The following SRCAP variants were observed in gnomAD, a reference collection of about 807,000 sequenced individuals.
The protein encoded by SRCAP is Snf2 related CREBBP activator protein.
Under a neutral mutation model 263.1 loss-of-function variants are expected in SRCAP, and 46 were observed. The ratio of observed to expected loss-of-function variants is 0.17; its 90% CI spans 0.14 to 0.22. The LOEUF is 0.22. Among genes scored for constraint, SRCAP ranks in the 10% least tolerant of loss-of-function variants. The pLI is 1.00. For synonymous variants in SRCAP, 1,813 were observed against 1,662.1 expected (o/e 1.09, Z -2.21); for missense variants, 3,695 against 4,181.9 (o/e 0.88, Z 3.21).
Position 30,722,106 on chromosome 16 carries a change from C to T in SRCAP, c.3542-16C>T. Reference sequence around the variant, plus strand: ...AGGATGAGCCTTGTGTACAATAAGGCCTTCTCTGTTTTTAGCAGGCGAAGT... The same window carrying T: ...AGGATGAGCCTTGTGTACAATAAGGTCTTCTCTGTTTTTAGCAGGCGAAGT... On this transcript the variant is annotated splice_polypyrimidine_tract_variant and intron_variant, in intron 21 of 33. Transcript: ENST00000262518. 6.2e-7 allele frequency: 1 copy of T among 1,609,646 alleles called. No individual in the cohort carries two copies. Among genetic ancestry groups the T allele is most frequent in the Non-Finnish European group, 8.5e-7 (1 of 1,177,568 alleles).
At chr16:30,703,854 G>T (rs1313066555) in intron 3 of SRCAP, among the ~76,000 whole-genome samples, 1 of 152,090 alleles carries the variant, frequency 6.6e-6, no homozygotes, top group African/African-American at 2.4e-5. Flanking sequence ...CCGAGATCGC[G>T]CCACTGCACT....
intron 3 of SRCAP, among the ~76,000 whole-genome samples, chr16:30,702,692 C>T (rs922695932): frequency 6.7e-6 from 1 of 149,934 alleles, no homozygotes; most frequent in African/African-American, 2.5e-5. Context: ...ACTACAACCT[C>T]TGCCTCCTGG....
chr16:30,738,901 T>C lies in SRCAP; in HGVS notation c.8861T>C (p.Ile2954Thr), dbSNP rs1185847335. The C allele has an allele frequency of 3.7e-6, 6 of 1,613,940 alleles. No individual in the cohort carries two copies. Among genetic ancestry groups the C allele is most frequent in the East Asian group, 2.2e-5 (1 of 44,878 alleles). ...KARDLPIPGT[I>T]SSAGDGNSES... ...CGAGATTTGCCCATCCCTGGGACCATTTCCTCTGCAGGGGATGGCAACTCC... is the reference window on the plus strand; with the variant it reads ...CGAGATTTGCCCATCCCTGGGACCACTTCCTCTGCAGGGGATGGCAACTCC... Residue 2954 changes from isoleucine (I) to threonine (T), a missense_variant, in exon 34 of 34, where the codon ATT becomes ACT. Physicochemically the swap from Ile to Thr is moderately conservative, Grantham distance 89. Transcript: ENST00000262518.
chr16:30,717,687 A>G (rs569058021), intron 18 of SRCAP, among the ~76,000 whole-genome samples: 8 of 121,984 alleles, frequency 6.6e-5, no homozygotes, highest in Non-Finnish European at 1.2e-4. Context: ...ATCTTGGCTT[A>G]CTGCAACCTC....
Position 30,740,715 on chromosome 16 carries a change from C to G in SRCAP, c.*982C>G, listed in dbSNP as rs2053215833. The G allele has an allele frequency of 6.6e-6, 1 of 152,256 alleles. No individual in the cohort carries two copies. 9.4% of individuals were successfully genotyped at this position (152,256 alleles called of 1,614,324 possible). A position where few individuals can be genotyped will look rare whatever the true frequency, so the allele number is the denominator to read the frequency against. On this transcript the variant is annotated 3_prime_UTR_variant, in exon 34 of 34. Transcript: ENST00000262518. ...TTCAAGGCCTATAGCCAGGTAAGAG[C>G]CCTGTTCATTTTTACATTCTCTGTT...
intron 4 of SRCAP, among the ~76,000 whole-genome samples, chr16:30,704,898 A>G (rs1196601111): frequency 6.6e-6 from 1 of 152,096 alleles, no homozygotes; most frequent in Non-Finnish European, 1.5e-5. Flanking sequence ...TGCTCTTAAG[A>G]TTTACTGGTT....
At chr16:30,736,728 A>G (rs2053163967) in intron 33 of SRCAP, 104 bp downstream of exon 33, 1 of 1,257,858 alleles carries the variant, frequency 8.0e-7, no homozygotes, top group South Asian at 1.3e-5. Context: ...GCTGGAGTGC[A>G]GTGGCACAAT....
chr16:30,730,010 C>T (rs1380979299), intron 27 of SRCAP, among the ~76,000 whole-genome samples: 1 of 152,144 alleles, frequency 6.6e-6, no homozygotes, highest in Non-Finnish European at 1.5e-5. Flanking sequence ...TCAAGCGATC[C>T]TCCCGCCTCA....
At position 30,709,667 on chromosome 16, in the gene SRCAP, C is replaced by G; in HGVS notation, c.788C>G (p.Ser263Cys). Residue 263 changes from serine to cysteine, a missense_variant, in exon 7 of 34, where the codon TCC (serine) becomes TGC (cysteine). This residue lies in a region of SRCAP where 44 missense variants were observed against 42.9 expected (regional missense o/e 1.03). Coordinates refer to ENST00000262518, the MANE Select transcript of SRCAP (RefSeq NM_006662.3). ...QPLTSSKAGS[S>C]PCLGSSSAAS... The stretch of plus-strand genomic sequence containing the variant: ...TTAACCTCCAGCAAAGCAGGCTCTT[C>G]CCCTTGCCTCGGCTCTTCCTCAGCT... 1 of 1,614,190 alleles carries G rather than the reference C, an allele frequency of 6.2e-7. No individual in the cohort carries two copies. Among genetic ancestry groups the G allele is most frequent in the African/African-American group, 1.3e-5 (1 of 75,054 alleles).
rs1482808807 is a variant in SRCAP, at chr16:30,721,363, C to G, written c.3428C>G (p.Ala1143Gly). The part of the protein sequence containing the change: ...VPPGYTFPPA[A>G]ATTTSTTTAT... ...CCAGGCTACACCTTCCCTCCTGCTG[C>G]TGCCACCACCACTTCTACCACCACG... Residue 1143 changes from alanine to glycine, a missense_variant, in exon 21 of 34, where the codon GCT (alanine) becomes GGT (glycine). Ala to Gly is a moderately conservative substitution (Grantham distance 60). This residue lies in a region of SRCAP where 1,347 missense variants were observed against 1,304.4 expected (regional missense o/e 1.03). Coordinates refer to ENST00000262518, the MANE Select transcript of SRCAP (RefSeq NM_006662.3). 6.2e-7 allele frequency: 1 copy of G among 1,613,996 alleles called. No individual in the cohort carries two copies. The highest frequency in any genetic ancestry group is 1.3e-5 in the African/African-American group (1 of 74,948).
intron 3 of SRCAP, 25 bp downstream of exon 3, chr16:30,700,903 C>G: frequency 1.2e-6 from 2 of 1,612,520 alleles, no homozygotes; most frequent in Non-Finnish European, 1.7e-6. Flanking sequence ...AGAGTTCCTT[C>G]TCTGCTTCTG....
chr16:30,737,248 G>A lies in SRCAP; in HGVS notation c.7208G>A (p.Arg2403Gln). ...GTCAGTGAGCGTCTTCGTGGAGCCC[G>A]GGCTGAGACTCAAGGGGCAAACCAC... is the stretch of plus-strand genomic sequence containing the variant. Reference protein sequence around the residue: ...TRVSERLRGARAETQGANHTP... With the variant: ...TRVSERLRGAQAETQGANHTP... Residue 2403 changes from arginine to glutamine, a missense_variant, in exon 34 of 34, where the codon CGG (arginine) becomes CAG (glutamine). By Grantham distance (43) the Arg-to-Gln change is conservative (BLOSUM62 1). Around this residue, in one of 12 missense-constraint regions of SRCAP, gnomAD observed 1,207 missense variants for 1,142.9 expected, o/e 1.06. Transcript: ENST00000262518. 5 of 1,614,010 alleles carry A rather than the reference G, an allele frequency of 3.1e-6. No homozygotes were observed. The highest frequency in any genetic ancestry group is 4.2e-6 in the Non-Finnish European group (5 of 1,179,996).
intron 27 of SRCAP, among the ~76,000 whole-genome samples, chr16:30,731,877 G>T (rs1265690605): frequency 1.3e-5 from 2 of 151,816 alleles, no homozygotes; most frequent in East Asian, 3.9e-4. Flanking sequence ...GGGCCTGGTG[G>T]CTCATGTCTG....
At chr16:30,731,373 A>T (rs2053112913) in intron 27 of SRCAP, among the ~76,000 whole-genome samples, 1 of 152,186 alleles carries the variant, frequency 6.6e-6, no homozygotes, top group South Asian at 2.1e-4. Context: ...TTACCCAAGA[A>T]TGGCTATTGG....
chr16:30,713,684 T>C lies in SRCAP; in HGVS notation c.2466T>C (p.Asn822=), dbSNP rs886051902. ...TGATTGAGGGCAGCCAAGAGTATAA[T>C]GAAGGTCTAGTCAAACGCCTCCACA... ...TGMIEGSQEY[N]EGLVKRLHKV... is the part of the protein sequence containing the mutation. The change falls in exon 16 of 34, where the codon AAT becomes AAC. Residue 822 remains asparagine (N), a synonymous_variant. Transcript: ENST00000262518. 1.9e-6 allele frequency: 3 copies of C among 1,614,116 alleles called. No homozygotes were observed. Among genetic ancestry groups the C allele is most frequent in the Non-Finnish European group, 1.7e-6 (2 of 1,180,038 alleles).
Position 30,716,164 on chromosome 16 carries a change from T to G in SRCAP, c.2592T>G (p.Arg864=), listed in dbSNP as rs566021287. ...TTATCCGCTGCAGGCTCTCCAAGCG[T>G]CAACGCTGTCTCTATGATGACTTCA... ...EHVIRCRLSK[R]QRCLYDDFMA... is the part of the protein sequence containing the mutation. The change falls in exon 17 of 34, where the codon CGT becomes CGG. Residue 864 remains arginine, a synonymous_variant. Coordinates refer to ENST00000262518, the MANE Select transcript of SRCAP (RefSeq NM_006662.3). 1.9e-6 allele frequency: 3 copies of G among 1,614,190 alleles called. No individual in the cohort carries two copies. The East Asian group carries it at 6.7e-5, about 36-fold the overall frequency.
chr16:30,711,966 G>A lies in SRCAP; in HGVS notation c.1624G>A (p.Glu542Lys). 6.2e-7 allele frequency: 1 copy of A among 1,614,046 alleles called. No individual in the cohort carries two copies. The highest frequency in any genetic ancestry group is 2.2e-5 in the East Asian group (1 of 44,860). ...TGCCCAATCACAGAGCCAAGCAGAT[G>A]AAGAGGAGGAAGATGATGATTTTGG... is the stretch of plus-strand genomic sequence containing the variant. Reference protein sequence around the residue: ...EDAQSQSQADEEEEDDDFGVE... With the variant: ...EDAQSQSQADKEEEDDDFGVE... The change falls in exon 12 of 34, where the codon GAA becomes AAA. Residue 542 changes from glutamate (E) to lysine (K), a missense_variant. This residue lies in a region of SRCAP where 288 missense variants were observed against 302.4 expected (regional missense o/e 0.95). Coordinates refer to ENST00000262518, the MANE Select transcript of SRCAP (RefSeq NM_006662.3).
In SRCAP at chr16:30,723,131, C is replaced by G; in HGVS notation, c.4061C>G (p.Pro1354Arg). 1.9e-6 allele frequency: 3 copies of G among 1,614,112 alleles called. No homozygotes were observed. Among genetic ancestry groups the G allele is most frequent in the Non-Finnish European group, 2.5e-6 (3 of 1,180,024 alleles). Residue 1354 changes from proline to arginine, a missense_variant, in exon 24 of 34, where the codon CCC (proline) becomes CGC (arginine). Pro to Arg is a moderately radical substitution (Grantham distance 103, BLOSUM62 -2). Around this residue, in one of 12 missense-constraint regions of SRCAP, gnomAD observed 1,347 missense variants for 1,304.4 expected, o/e 1.03. Coordinates refer to ENST00000262518, the MANE Select transcript of SRCAP (RefSeq NM_006662.3). ...CCCACGTTAACCCCTGGCCGGCTAC[C>G]CACACCTACTCTGGGTACTGCTCGA... is the stretch of plus-strand genomic sequence containing the variant. ...PRPTLTPGRL[P>R]TPTLGTARAP...
Position 30,722,775 on chromosome 16 carries a change from C to T in SRCAP, c.3892+27C>T, listed in dbSNP as rs986850185. On this transcript the variant is annotated intron_variant, in intron 23 of 33. Coordinates refer to ENST00000262518, the MANE Select transcript of SRCAP (RefSeq NM_006662.3). Reference sequence around the variant, plus strand: ...TGAGGCTCCTGGCCTTCCTACTTAGCCCTTGCTGGCCTTGGTCCTTCCAGG... The same window carrying T: ...TGAGGCTCCTGGCCTTCCTACTTAGTCCTTGCTGGCCTTGGTCCTTCCAGG... 1.9e-6 allele frequency: 3 copies of T among 1,591,796 alleles called. No homozygotes were observed. In the Middle Eastern group the frequency reaches 5.0e-4, roughly 268 times the overall value.
Sources: allele counts gnomAD v4.1 joint callset (sites outside exome capture counted in the v4.1 genomes callset), GRCh38; gene constraint gnomAD v4.1.1; regional missense constraint gnomAD v4.1.1; transcripts MANE v1.5; gene names NCBI Gene and HGNC (gene_info 2026-07-23, HGNC 2026-07-21).